AHCYL2: variants seen among roughly 807,000 people sequenced by gnomAD.
The protein encoded by AHCYL2 is S-adenosylhomocysteine hydrolase-like protein 2.
Under a neutral mutation model 81.4 loss-of-function variants are expected in AHCYL2, and 28 were observed. The ratio of observed to expected loss-of-function variants is 0.34; its 90% CI spans 0.25 to 0.47. The LOEUF (loss-of-function observed/expected upper bound fraction) is 0.47. Ranked by LOEUF, AHCYL2 falls within the 20% of genes least tolerant of loss-of-function variation. The pLI is 1.00. For missense variants in AHCYL2, 551 were observed against 785.1 expected (o/e 0.70, Z 3.56); for synonymous variants, 272 against 290.2 (o/e 0.94, Z 0.64).
chr7:129,386,754 T>C (rs1795223460), intron 2 of AHCYL2, among the ~76,000 whole-genome samples: 1 of 152,200 alleles, frequency 6.6e-6, no homozygotes, highest in Non-Finnish European at 1.5e-5. Flanking sequence ...GGGCAATCTC[T>C]TCTGGGTAGA....
chr7:129,347,393 G>T (rs1004016571), intron 1 of AHCYL2, among the ~76,000 whole-genome samples: 1 of 152,134 alleles, frequency 6.6e-6, no homozygotes, highest in Non-Finnish European at 1.5e-5. Context: ...CGGGCAGAGG[G>T]TATATGGGAA....
intron 1 of AHCYL2, among the ~76,000 whole-genome samples, chr7:129,376,116 T>C (rs1047339220): frequency 3.3e-5 from 5 of 152,122 alleles, no homozygotes; most frequent in Admixed American, 6.6e-5. Context: ...GGCAGTTCTC[T>C]CTCAAATGGA....
chr7:129,332,531 G>A (rs886241244), intron 1 of AHCYL2, among the ~76,000 whole-genome samples: 11 of 152,078 alleles, frequency 7.2e-5, no homozygotes, highest in African/African-American at 2.2e-4. Flanking sequence ...ATCTGGGACC[G>A]GGGCCACTGG....
At chr7:129,304,084 T>TAAAC (rs140419977) in intron 1 of AHCYL2, among the ~76,000 whole-genome samples, 1 of 152,030 alleles carries the variant, frequency 6.6e-6, no homozygotes, top group Non-Finnish European at 1.5e-5. Context: ...AATAAATAAA[T>TAAAC]AAACAAACAA....
At chr7:129,333,330 AT>A (rs1347114480) in intron 1 of AHCYL2, among the ~76,000 whole-genome samples, 18 of 149,688 alleles carry the variant, frequency 1.2e-4, no homozygotes, top group South Asian at 2.1e-4. Context: ...AAAAAAAAAA[AT>A]TTTTTTTTAA....
intron 12 of AHCYL2, 53 bp from the exon 13 acceptor site, chr7:129,422,787 T>A (rs1797174377): frequency 1.4e-5 from 21 of 1,536,232 alleles, no homozygotes. Flanking sequence ...ATCTTTCTGT[T>A]CCCACAGTGG....
Position 129,305,384 on chromosome 7 carries a change from C to T in AHCYL2, c.364-74254C>T, listed in dbSNP as rs546017756. 5.3e-5 allele frequency among the ~76,000 whole-genome samples: 8 copies of T among 152,216 alleles called. No homozygotes were observed. In the South Asian group the frequency reaches 1.0e-3, roughly 20 times the overall value. ...CTGAGGCAGCAGAATCGCTTGAATCCGGGAGGCAGAGGTTGCAGTGAACTG... is the reference window on the plus strand; with the variant it reads ...CTGAGGCAGCAGAATCGCTTGAATCTGGGAGGCAGAGGTTGCAGTGAACTG... On this transcript the variant is annotated intron_variant, in intron 1 of 16. Coordinates refer to ENST00000325006, the MANE Select transcript of AHCYL2 (RefSeq NM_015328.4).
intron 2 of AHCYL2, among the ~76,000 whole-genome samples, chr7:129,387,436 A>G (rs1313028567): frequency 6.6e-6 from 1 of 152,218 alleles, no homozygotes; most frequent in Non-Finnish European, 1.5e-5. Flanking sequence ...CCAAAGACTG[A>G]CTCCAGAACA....
chr7:129,358,757 A>G (rs1048706266), intron 1 of AHCYL2, among the ~76,000 whole-genome samples: 6 of 152,182 alleles, frequency 3.9e-5, no homozygotes, highest in Non-Finnish European at 8.8e-5. Context: ...ATGTACATTT[A>G]CCACAATTTT....
At chr7:129,261,029 A>C (rs1795617121) in intron 1 of AHCYL2, among the ~76,000 whole-genome samples, 1 of 152,154 alleles carries the variant, frequency 6.6e-6, no homozygotes, top group Non-Finnish European at 1.5e-5. Flanking sequence ...ACCTTAAGTG[A>C]TCTGCCCATC....
intron 12 of AHCYL2, among the ~76,000 whole-genome samples, chr7:129,420,285 A>T (rs1460850737): frequency 1.3e-5 from 2 of 152,136 alleles, no homozygotes; most frequent in East Asian, 3.8e-4. Context: ...GGCCTCTGGA[A>T]AATTAGGGGT....
chr7:129,385,920 C>G (rs1171680843), intron 2 of AHCYL2, among the ~76,000 whole-genome samples: 5 of 152,178 alleles, frequency 3.3e-5, no homozygotes, highest in Admixed American at 3.3e-4. Context: ...AATACTATCT[C>G]AACTGTCATC....
rs1043052082 is a variant in AHCYL2 at position 129,291,952 on chromosome 7, A to G, written c.363+66513A>G. 2.0e-5 allele frequency among the ~76,000 whole-genome samples: 3 copies of G among 152,010 alleles called. No homozygotes were observed. In the East Asian group the frequency reaches 5.8e-4, roughly 29 times the overall value. On this transcript the variant is annotated intron_variant, in intron 1 of 16. Coordinates refer to ENST00000325006, the MANE Select transcript of AHCYL2 (RefSeq NM_015328.4). The stretch of plus-strand genomic sequence containing the variant: ...ACAAATATGGCTAAGTTTTTTTTTA[A>G]TGGAACTTTATTCCTCCAAAAAATG...
At chr7:129,277,206 A>C (rs1183707934) in intron 1 of AHCYL2, among the ~76,000 whole-genome samples, 1 of 152,190 alleles carries the variant, frequency 6.6e-6, no homozygotes, top group Non-Finnish European at 1.5e-5. Context: ...AAGTTTTGAC[A>C]CATGTCTAAA....
In AHCYL2 at chr7:129,337,590, G is replaced by T. The variant is rs898741936; in HGVS notation, c.364-42048G>T. Among the ~76,000 whole-genome samples, 57 of 151,794 alleles carry T rather than the reference G, an allele frequency of 3.8e-4. 2 individuals carry two copies. The highest frequency in any genetic ancestry group is 1.5e-5 in the Non-Finnish European group (1 of 67,958). ...AATTTTTGTATTTTAGCAGAGACAG[G>T]GTTTCATCACGTTGGCCAGGCTGGT... On this transcript the variant is annotated intron_variant, in intron 1 of 16. Coordinates refer to ENST00000325006, the MANE Select transcript of AHCYL2 (RefSeq NM_015328.4).
At chr7:129,241,590 C>A (rs1794856276) in intron 1 of AHCYL2, among the ~76,000 whole-genome samples, 1 of 150,886 alleles carries the variant, frequency 6.6e-6, no homozygotes, top group African/African-American at 2.4e-5. Context: ...GACTCCATCT[C>A]AAAAAAAATA....
At chr7:129,309,620 A>G (rs751827724) in intron 1 of AHCYL2, among the ~76,000 whole-genome samples, 10 of 152,202 alleles carry the variant, frequency 6.6e-5, no homozygotes, top group Non-Finnish European at 1.3e-4. Context: ...AATATCTTCT[A>G]TTCTTTTGGT....
chr7:129,356,502 T>C (rs1463240684), intron 1 of AHCYL2, among the ~76,000 whole-genome samples: 1 of 152,240 alleles, frequency 6.6e-6, no homozygotes, highest in African/African-American at 2.4e-5. Flanking sequence ...CTTCATCTTA[T>C]AACCAAATCT....
At chr7:129,376,611 C>T (rs1794700396) in intron 1 of AHCYL2, among the ~76,000 whole-genome samples, 1 of 152,172 alleles carries the variant, frequency 6.6e-6, no homozygotes, top group Admixed American at 6.5e-5. Flanking sequence ...AGCTAGATAG[C>T]TATATGGTTT....
Sources: allele counts gnomAD v4.1 joint callset (sites outside exome capture counted in the v4.1 genomes callset), GRCh38; gene constraint gnomAD v4.1.1; transcripts MANE v1.5; gene names NCBI Gene and HGNC (gene_info 2026-07-23, HGNC 2026-07-21).